Variants in CDC20B observed in about 807,000 individuals in gnomAD.
The protein encoded by CDC20B is cell division cycle 20B.
CDC20B carries 58 observed loss-of-function variants against 64.1 expected under a neutral mutation model. The ratio of observed to expected loss-of-function variants is 0.90; its 90% confidence interval spans 0.73 to 1.13. The LOEUF (loss-of-function observed/expected upper bound fraction) is 1.13, where lower values mean the gene tolerates loss of function less well. Among genes scored for constraint, CDC20B ranks in the 50% most tolerant of loss-of-function variants. The probability of loss-of-function intolerance (pLI) is 0.00; values close to 1 mark genes in which losing one functional copy is unlikely to be tolerated. For missense variants in CDC20B, 597 were observed against 633.0 expected (o/e 0.94, Z 0.61); for synonymous variants, 243 against 230.6 (o/e 1.05, Z -0.49).
intron 7 of CDC20B, 42 bp downstream of exon 7, chr5:55,128,379 T>C (rs1422957503): frequency 2.0e-6 from 3 of 1,478,774 alleles, no homozygotes; most frequent in Non-Finnish European, 2.7e-6. Flanking sequence ...AGTGTAATAA[T>C]ACACAGAGAA....
intron 5 of CDC20B, chr5:55,137,176 CAAAA>C (rs56678420): frequency 1.8e-3 from 208 of 114,342 alleles, no homozygotes; most frequent in South Asian, 6.6e-3. Flanking sequence ...GACTCTGTCT[CAAAA>C]AAAAAAAAAA....
At chr5:55,134,292 G>A (rs1464934366) in intron 5 of CDC20B, among the ~76,000 whole-genome samples, 2 of 152,136 alleles carry the variant, frequency 1.3e-5, no homozygotes, top group East Asian at 1.9e-4. Flanking sequence ...ATAAAAGCAT[G>A]AGAGCTTCAC....
At chr5:55,146,229 C>T (rs556949309) in intron 3 of CDC20B, among the ~76,000 whole-genome samples, 1 of 152,184 alleles carries the variant, frequency 6.6e-6, no homozygotes, top group East Asian at 1.9e-4. Flanking sequence ...CAATCACAGG[C>T]GGCCAACTAA....
intron 2 of CDC20B, among the ~76,000 whole-genome samples, chr5:55,150,690 G>C (rs1743641626): frequency 6.6e-6 from 1 of 152,184 alleles, no homozygotes; most frequent in Admixed American, 6.5e-5. Context: ...CAGCAGGTAA[G>C]GTGATGAGTA....
intron 2 of CDC20B, chr5:55,166,493 G>GT (rs1237974516): frequency 2.0e-5 from 3 of 152,174 alleles, no homozygotes; most frequent in Non-Finnish European, 2.9e-5. Flanking sequence ...GGACATTCAG[G>GT]TGTCCCTTCG....
intron 5 of CDC20B, among the ~76,000 whole-genome samples, chr5:55,133,818 T>C (rs1425884211): frequency 6.6e-6 from 1 of 152,204 alleles, no homozygotes; most frequent in Admixed American, 6.5e-5. Context: ...TACACAGAGA[T>C]ACTACATCAT....
chr5:55,137,678 G>A, intron 5 of CDC20B: 1 of 456,730 alleles, frequency 2.2e-6, no homozygotes, highest in South Asian at 1.5e-5. Flanking sequence ...AGTCAAGTTG[G>A]AGGAATGGCC....
At chr5:55,166,755 A>C (rs1744410940) in intron 2 of CDC20B, 1 of 152,444 alleles carries the variant, frequency 6.6e-6, no homozygotes, top group Non-Finnish European at 1.5e-5. Context: ...AGAGCCTGGC[A>C]CAGTGGCTCA....
intron 2 of CDC20B, chr5:55,164,268 T>G (rs1482829433): frequency 3.6e-6 from 5 of 1,376,636 alleles, no homozygotes; most frequent in Non-Finnish European, 4.8e-6. Context: ...CATGAGGGTT[T>G]GGTCTCATTT....
intron 2 of CDC20B, among the ~76,000 whole-genome samples, chr5:55,169,915 C>T (rs1365900615): frequency 1.3e-5 from 2 of 152,242 alleles, no homozygotes; most frequent in African/African-American, 4.8e-5. Context: ...AGATCGAGAC[C>T]ATCCCAGCTA....
intron 5 of CDC20B, among the ~76,000 whole-genome samples, chr5:55,138,953 TA>T (rs78414307): frequency 0.17 from 26,207 of 150,356 alleles, 2,513 homozygotes; most frequent in South Asian, 0.3. Flanking sequence ...TAAATGACAA[TA>T]AAAAAAATAT....
At chr5:55,131,958 T>A (rs1297656591) in intron 6 of CDC20B, among the ~76,000 whole-genome samples, 1 of 151,848 alleles carries the variant, frequency 6.6e-6, no homozygotes, top group African/African-American at 2.4e-5. Flanking sequence ...CACGCCCAGC[T>A]ACTCAAGAGG....
chr5:55,147,580 AT>A (rs1040403840), intron 2 of CDC20B, among the ~76,000 whole-genome samples: 112 of 149,764 alleles, frequency 7.5e-4, no homozygotes, highest in East Asian at 4.0e-3. Flanking sequence ...GTAAAATGTT[AT>A]TTTTTTATGT....
chr5:55,120,341 T>C, intron 10 of CDC20B, 84 bp downstream of exon 10: 2 of 1,498,382 alleles, frequency 1.3e-6, no homozygotes, highest in Non-Finnish European at 1.8e-6. Context: ...AGAGAGCTTG[T>C]TGGGGGCATA....
At chr5:55,155,489 G>A (rs1261805666) in intron 2 of CDC20B, among the ~76,000 whole-genome samples, 2 of 152,122 alleles carry the variant, frequency 1.3e-5, no homozygotes, top group African/African-American at 2.4e-5. Context: ...ACCTCTGAGT[G>A]TGTGCCGCTC....
chr5:55,133,777 C>T (rs1467126878), intron 5 of CDC20B, among the ~76,000 whole-genome samples: 3 of 151,990 alleles, frequency 2.0e-5, no homozygotes, highest in Non-Finnish European at 4.4e-5. Context: ...TGCATACAGA[C>T]CTGAATGTAG....
Position 55,113,575 on chromosome 5 carries a change from C to A in CDC20B, c.*643G>T, listed in dbSNP as rs1245459348. The A allele has an allele frequency of 6.6e-6, 1 of 152,462 alleles. No homozygotes were observed. The highest frequency in any genetic ancestry group is 1.5e-5 in the Non-Finnish European group (1 of 68,420). The allele number at this position is 152,462 out of a possible 1,614,324, so 9.4% of individuals were successfully genotyped here. A position where few individuals can be genotyped will look rare whatever the true frequency, so the allele number is the denominator to read the frequency against. On this transcript the variant is annotated 3_prime_UTR_variant, in exon 12 of 12. Coordinates refer to ENST00000381375, the MANE Select transcript of CDC20B (RefSeq NM_001170402.1). The stretch of plus-strand genomic sequence containing the variant: ...GCACACAGGATGTGACTAGGTGAAG[C>A]AAAAGAAAAGAGAGCAAAGGGTGAA...
At chr5:55,172,372 G>T in intron 2 of CDC20B, 1 of 509,872 alleles carries the variant, frequency 2.0e-6, no homozygotes, top group Non-Finnish European at 3.5e-6. Context: ...TTGCTGTGGA[G>T]GCAGAAACTA....
intron 2 of CDC20B, among the ~76,000 whole-genome samples, chr5:55,150,375 TG>T (rs1232122128): frequency 2.0e-5 from 3 of 152,142 alleles, no homozygotes; most frequent in Non-Finnish European, 2.9e-5. Context: ...CAGTAAGCAT[TG>T]GTTCAGTTTG....
Sources: allele counts gnomAD v4.1 joint callset (sites outside exome capture counted in the v4.1 genomes callset), GRCh38; gene constraint gnomAD v4.1.1; transcripts MANE v1.5; gene names NCBI Gene and HGNC (gene_info 2026-07-23, HGNC 2026-07-21).